MLLT1: variants seen among roughly 807,000 people sequenced by gnomAD.
MLLT1 encodes MLLT1 super elongation complex subunit, also known as protein ENL.
Under a neutral mutation model 55.1 loss-of-function variants are expected in MLLT1, and 11 were observed. That is an observed-to-expected ratio of 0.20 (90% CI 0.13 to 0.33). MLLT1 has a LOEUF of 0.33. MLLT1 is among the 10% of genes least tolerant of loss of function. MLLT1 has a pLI of 1.00. For synonymous variants in MLLT1, 323 were observed against 320.1 expected, an observed-to-expected ratio of 1.01 and a Z score of -0.10; for missense variants, 536 against 760.6, an observed-to-expected ratio of 0.70 and a Z score of 3.47.
intron 5 of MLLT1, among the ~76,000 whole-genome samples, chr19:6,225,539 A>G (rs2090947469): frequency 6.6e-6 from 1 of 152,174 alleles, no homozygotes; most frequent in Non-Finnish European, 1.5e-5. Context: ...CTTTCTCAGA[A>G]TGCCCTCAGC....
Position 6,229,124 on chromosome 19 carries a change from C to G in MLLT1, c.420+1446G>C, listed in dbSNP as rs1367245814. On this transcript the variant is annotated intron_variant, in intron 4 of 11. Transcript: ENST00000252674. The surrounding 1 kb of genome is among the most constrained non-coding windows in gnomAD (Gnocchi z 5.2). ...TTCCCACAGCCACGCCACCACGGAA[C>G]CTCCGGGGACGCCCAAAAACACCTA... Among the ~76,000 whole-genome samples, 1 of 152,104 alleles carries G rather than the reference C, an allele frequency of 6.6e-6. No homozygotes were observed. The highest frequency in any genetic ancestry group is 2.4e-5 in the African/African-American group (1 of 41,404).
Position 6,270,427 on chromosome 19 carries a change from C to G in MLLT1, c.193+152G>C, listed in dbSNP as rs936379386. On this transcript the variant is annotated intron_variant, in intron 2 of 11. Transcript: ENST00000252674. This position sits in a 1 kb window ranked among gnomAD's most constrained non-coding sequence, Gnocchi z 7.1. ...ACTAACTCAACAGCTGGAGGTGACACGGCTCCAGTGCCCCCACGCCGAGGG... is the reference window on the plus strand; with the variant it reads ...ACTAACTCAACAGCTGGAGGTGACAGGGCTCCAGTGCCCCCACGCCGAGGG... 4.0e-6 allele frequency: 3 copies of G among 746,674 alleles called. No individual in the cohort carries two copies. The highest frequency in any genetic ancestry group is 6.3e-6 in the Non-Finnish European group (3 of 477,086). 46.3% of individuals were successfully genotyped at this position (746,674 alleles called of 1,614,324 possible).
At chr19:6,221,935 TGACA>T (rs1310656205) in intron 6 of MLLT1, among the ~76,000 whole-genome samples, 182 bp downstream of exon 6, 2 of 152,192 alleles carry the variant, frequency 1.3e-5, no homozygotes, top group African/African-American at 2.4e-5. Flanking sequence ...CTTTATCACC[TGACA>T]GACAGGGAAA....
At position 6,229,352 on chromosome 19, in the gene MLLT1, T is replaced by C. The variant is rs1005614546; in HGVS notation, c.420+1218A>G. 5.9e-5 allele frequency among the ~76,000 whole-genome samples: 9 copies of C among 152,104 alleles called. No homozygotes were observed. The South Asian group carries it at 1.0e-3, about 18-fold the overall frequency. On this transcript the variant is annotated intron_variant, in intron 4 of 11. Coordinates refer to ENST00000252674, the MANE Select transcript of MLLT1 (RefSeq NM_005934.4). This position sits in a 1 kb window ranked among gnomAD's most constrained non-coding sequence, Gnocchi z 5.2. ...TCACAGCAGGACTCACTCAAGCTTC[T>C]ACATGGACAGACGCCTCCTTCTTCT...
intron 1 of MLLT1, among the ~76,000 whole-genome samples, chr19:6,276,870 G>T (rs1215730278): frequency 1.3e-5 from 2 of 152,236 alleles, no homozygotes; most frequent in Non-Finnish European, 2.9e-5. Flanking sequence ...ATAAGGAAAA[G>T]ATGTCAATGC....
At chr19:6,265,331 AAAATGCTCC>A (rs1254553615) in intron 2 of MLLT1, among the ~76,000 whole-genome samples, 1 of 152,178 alleles carries the variant, frequency 6.6e-6, no homozygotes, top group Non-Finnish European at 1.5e-5. Context: ...TCCAAAATCT[AAAATGCTCC>A]AGTGAGCATT....
intron 6 of MLLT1, among the ~76,000 whole-genome samples, chr19:6,221,617 G>A (rs899278863): frequency 1.3e-5 from 2 of 152,194 alleles, no homozygotes; most frequent in African/African-American, 4.8e-5. Flanking sequence ...ACCTAAATAG[G>A]GAGCCGGGCA....
intron 3 of MLLT1, among the ~76,000 whole-genome samples, chr19:6,255,943 G>A (rs1192133645): frequency 1.3e-5 from 2 of 151,862 alleles, no homozygotes; most frequent in Non-Finnish European, 2.9e-5. Context: ...CCTGGGCCAA[G>A]CACGGTGGCT....
At chr19:6,213,690 C>CCTT in intron 10 of MLLT1, 36 bp downstream of exon 10, 1 of 1,493,230 alleles carries the variant, frequency 6.7e-7, no homozygotes. Flanking sequence ...CCCACCCCTC[C>CCTT]GTAGCCTCCC....
intron 3 of MLLT1, among the ~76,000 whole-genome samples, chr19:6,254,483 G>A (rs113555622): frequency 3.5e-4 from 53 of 152,322 alleles, no homozygotes; most frequent in African/African-American, 1.1e-3. Flanking sequence ...TGGGACTCGC[G>A]ACTGGCATCT....
chr19:6,212,092 GAA>G lies in MLLT1; in HGVS notation c.*948_*949del. 1 of 1,066,312 alleles carries G rather than the reference GAA, an allele frequency of 9.4e-7. No homozygotes were observed. The highest frequency in any genetic ancestry group is 1.1e-6 in the Non-Finnish European group (1 of 879,614). The allele number at this position is 1,066,312 out of a possible 1,614,324, so 66.1% of individuals were successfully genotyped here. A position where few individuals can be genotyped will look rare whatever the true frequency, so the allele number is the denominator to read the frequency against. Reference sequence around the variant, plus strand: ...TTTTTCAAAGTTTGAAGACTTGAATGAAAGAGAGGAAGAGGAGCCTATGGGAG... The same window carrying G: ...TTTTTCAAAGTTTGAAGACTTGAATGAGAGAGGAAGAGGAGCCTATGGGAG... On this transcript the variant is annotated 3_prime_UTR_variant, in exon 12 of 12. Transcript: ENST00000252674.
At chr19:6,239,952 A>T (rs1396478669) in intron 3 of MLLT1, among the ~76,000 whole-genome samples, 1 of 151,748 alleles carries the variant, frequency 6.6e-6, no homozygotes, top group Non-Finnish European at 1.5e-5. Context: ...TTTAAGGCTT[A>T]GGTAAAACAG....
At chr19:6,253,482 G>A (rs2091235764) in intron 3 of MLLT1, among the ~76,000 whole-genome samples, 1 of 151,936 alleles carries the variant, frequency 6.6e-6, no homozygotes, top group African/African-American at 2.4e-5. Context: ...CACTTTATGA[G>A]GGCGGCATTA....
At chr19:6,215,351 T>C (rs936006594) in intron 8 of MLLT1, among the ~76,000 whole-genome samples, 73 of 152,314 alleles carry the variant, frequency 4.8e-4, no homozygotes, top group African/African-American at 1.7e-3. Context: ...CCACCCTGAA[T>C]GTCACCGAAC....
intron 1 of MLLT1, among the ~76,000 whole-genome samples, chr19:6,271,439 G>A (rs745395428): frequency 2.2e-4 from 33 of 152,066 alleles, no homozygotes; most frequent in Non-Finnish European, 2.1e-4. Flanking sequence ...GCCAGCCTGC[G>A]GCCCCCTGGT....
chr19:6,266,213 C>G (rs1463291645), intron 2 of MLLT1, among the ~76,000 whole-genome samples: 1 of 146,186 alleles, frequency 6.8e-6, no homozygotes, highest in African/African-American at 2.6e-5. Context: ...AAGGTCAAGG[C>G]TGCAGTAAGC....
In MLLT1 at chr19:6,222,787, C is replaced by T. The variant is rs2090915760; in HGVS notation, c.547-103G>A. ...CTGACCCCTACAAAGCATAATCCAC[C>T]TGATTCAGCCTCAGCTAGAGAAACT... On this transcript the variant is annotated intron_variant, in intron 5 of 11. Coordinates refer to ENST00000252674, the MANE Select transcript of MLLT1 (RefSeq NM_005934.4). The surrounding 1 kb of genome is among the most constrained non-coding windows in gnomAD (Gnocchi z 4.1). 1.1e-6 allele frequency: 1 copy of T among 904,266 alleles called. No homozygotes were observed. Among genetic ancestry groups the T allele is most frequent in the Non-Finnish European group, 1.6e-6 (1 of 642,788 alleles). The allele number at this position is 904,266 out of a possible 1,614,324, so 56.0% of individuals were successfully genotyped here.
chr19:6,218,102 G>A, intron 6 of MLLT1, 61 bp from the exon 7 acceptor site: 2 of 1,535,582 alleles, frequency 1.3e-6, no homozygotes, highest in South Asian at 1.2e-5. Context: ...CCTTTCAGCA[G>A]AGACAAAGGG....
At chr19:6,265,296 T>C (rs1367169942) in intron 2 of MLLT1, among the ~76,000 whole-genome samples, 1 of 152,188 alleles carries the variant, frequency 6.6e-6, no homozygotes, top group Admixed American at 6.5e-5. Flanking sequence ...AATATTCGCA[T>C]TCCTCTGGTT....
Sources: gnomAD v4.1 joint callset for allele counts (sites outside exome capture counted in the v4.1 genomes callset) on GRCh38, gnomAD v4.1.1 for gene constraint, Gnocchi (gnomAD v3.1) non-coding constraint, MANE v1.5 for transcripts, NCBI Gene and HGNC (gene_info 2026-07-23, HGNC 2026-07-21) for gene names.